OXR1: variants seen among roughly 807,000 people sequenced by gnomAD.
OXR1 encodes the protein oxidation resistance protein 1.
OXR1 carries 41 observed loss-of-function variants against 104.6 expected under a neutral mutation model. That is an observed-to-expected ratio of 0.39 (90% confidence interval 0.31 to 0.51). OXR1 has a LOEUF of 0.51. Ranked by LOEUF, OXR1 falls within the 20% of genes least tolerant of loss-of-function variation. The probability of loss-of-function intolerance (pLI) is 0.77; values close to 1 mark genes in which losing one functional copy is unlikely to be tolerated. For missense variants in OXR1, 955 were observed against 1,031.9 expected (o/e 0.93, Z 1.02); for synonymous variants, 348 against 348.4 (o/e 1.00, Z 0.01).
At chr8:106,479,577 GA>G (rs1486233621) in intron 2 of OXR1, among the ~76,000 whole-genome samples, 2 of 151,914 alleles carry the variant, frequency 1.3e-5, no homozygotes, top group Non-Finnish European at 2.9e-5. Context: ...CAGCCTGCCT[GA>G]CCATCCACAG....
At chr8:106,324,625 C>CT in intron 1 of OXR1, among the ~76,000 whole-genome samples, 1 of 151,718 alleles carries the variant, frequency 6.6e-6, no homozygotes, top group African/African-American at 2.4e-5. Flanking sequence ...GTGAAATTTC[C>CT]TTCTTTTTTT....
chr8:106,273,837 A>G lies in OXR1; in HGVS notation c.-139+3470A>G, dbSNP rs561737639. Among the ~76,000 whole-genome samples the G allele has an allele frequency of 3.2e-4, 49 of 152,366 alleles. No homozygotes were observed. The South Asian group carries it at 9.7e-3, about 30-fold the overall frequency. On this transcript the variant is annotated intron_variant, in intron 1 of 16. Coordinates refer to ENST00000517566, the MANE Select transcript of OXR1 (RefSeq NM_001198533.2). ...ATCTTAAGACATATTGAGAATTTCT[A>G]AAAGGTGAATCATATGCATATGTGC...
intron 2 of OXR1, among the ~76,000 whole-genome samples, chr8:106,477,973 A>T (rs1220077550): frequency 1.3e-5 from 2 of 151,928 alleles, no homozygotes; most frequent in Non-Finnish European, 2.9e-5. Flanking sequence ...TGTATCTGTG[A>T]TTCTCATGTT....
chr8:106,713,435 C>G (rs1831910700), intron 10 of OXR1, among the ~76,000 whole-genome samples: 1 of 151,796 alleles, frequency 6.6e-6, no homozygotes, highest in Non-Finnish European at 1.5e-5. Flanking sequence ...TATAATGTCT[C>G]AAAATAGGCC....
intron 3 of OXR1, among the ~76,000 whole-genome samples, chr8:106,521,600 C>T (rs1327961436): frequency 1.3e-5 from 2 of 152,134 alleles, no homozygotes; most frequent in Non-Finnish European, 2.9e-5. Flanking sequence ...GCAACCTCCA[C>T]CTCCAGGGTT....
chr8:106,554,947 T>C (rs967808012), intron 3 of OXR1, among the ~76,000 whole-genome samples: 1 of 152,142 alleles, frequency 6.6e-6, no homozygotes. Flanking sequence ...CAACAGGATA[T>C]CTATATAGTA....
intron 3 of OXR1, among the ~76,000 whole-genome samples, chr8:106,646,340 C>T (rs1256071515): frequency 6.6e-6 from 1 of 152,076 alleles, no homozygotes; most frequent in African/African-American, 2.4e-5. Context: ...CTCCTGACCT[C>T]AGGGTGATCT....
chr8:106,721,177 A>T (rs544975625), intron 11 of OXR1, among the ~76,000 whole-genome samples: 1 of 151,832 alleles, frequency 6.6e-6, no homozygotes, highest in African/African-American at 2.4e-5. Context: ...TTATGCTAAC[A>T]TTGCTTTTTG....
intron 3 of OXR1, among the ~76,000 whole-genome samples, chr8:106,665,322 A>G (rs1826173884): frequency 6.6e-6 from 1 of 152,190 alleles, no homozygotes. Flanking sequence ...GAAAACCTAT[A>G]CAGATGTGGG....
intron 3 of OXR1, among the ~76,000 whole-genome samples, chr8:106,529,998 C>T (rs1813974345): frequency 6.6e-6 from 1 of 152,108 alleles, no homozygotes; most frequent in African/African-American, 2.4e-5. Context: ...AAAACTTGCC[C>T]TTTTAACCTG....
At position 106,658,179 on chromosome 8, in the gene OXR1, G is replaced by A. The variant is rs1044547231; in HGVS notation, c.221-21031G>A. The A allele has an allele frequency of 4.8e-6, 6 of 1,241,516 alleles. No homozygotes were observed. In the African/African-American group the frequency reaches 6.2e-5, roughly 13 times the overall value. The allele number at this position is 1,241,516 out of a possible 1,614,324, so 76.9% of individuals were successfully genotyped here. ...GCCCCCGGCGCCGTCCAGCCCGGAGGGACCTGGTGAGCCCACCTTTCTTTC... is the reference window on the plus strand; with the variant it reads ...GCCCCCGGCGCCGTCCAGCCCGGAGAGACCTGGTGAGCCCACCTTTCTTTC... On this transcript the variant is annotated intron_variant, in intron 3 of 16. Transcript: ENST00000517566.
intron 3 of OXR1, among the ~76,000 whole-genome samples, chr8:106,625,932 C>A (rs1822112628): frequency 6.6e-6 from 1 of 151,632 alleles, no homozygotes; most frequent in South Asian, 2.1e-4. Flanking sequence ...ATTTTTTTCT[C>A]TATATGCTTA....
chr8:106,561,962 T>C (rs1047020498), intron 3 of OXR1, among the ~76,000 whole-genome samples: 1 of 151,920 alleles, frequency 6.6e-6, no homozygotes, highest in African/African-American at 2.4e-5. Context: ...AAAAACACCA[T>C]CTAAAAGTTA....
At chr8:106,335,903 C>G (rs1406241524) in intron 1 of OXR1, among the ~76,000 whole-genome samples, 1 of 152,044 alleles carries the variant, frequency 6.6e-6, no homozygotes, top group Non-Finnish European at 1.5e-5. Context: ...TGAAACCAGC[C>G]TGGCCAACAT....
chr8:106,374,778 C>G (rs1434358126), intron 2 of OXR1, among the ~76,000 whole-genome samples: 1 of 152,122 alleles, frequency 6.6e-6, no homozygotes, highest in African/African-American at 2.4e-5. Flanking sequence ...CCAGATTCAC[C>G]AGGCCTCCCT....
At chr8:106,524,294 A>G (rs1813488211) in intron 3 of OXR1, among the ~76,000 whole-genome samples, 1 of 152,210 alleles carries the variant, frequency 6.6e-6, no homozygotes, top group Admixed American at 6.5e-5. Context: ...AATATTGTAA[A>G]TTAAGCATGG....
chr8:106,310,381 G>A (rs1813649006), intron 1 of OXR1, among the ~76,000 whole-genome samples: 2 of 152,028 alleles, frequency 1.3e-5, no homozygotes, highest in Admixed American at 1.3e-4. Context: ...TTTCCTGGTT[G>A]TCTGCCCTCC....
At chr8:106,316,125 T>C (rs1224430805) in intron 1 of OXR1, among the ~76,000 whole-genome samples, 5 of 152,182 alleles carry the variant, frequency 3.3e-5, no homozygotes, top group Non-Finnish European at 5.9e-5. Flanking sequence ...TGGCTCAACA[T>C]TGGTAACAGT....
chr8:106,595,083 A>G (rs950210693), intron 3 of OXR1, among the ~76,000 whole-genome samples: 1 of 152,248 alleles, frequency 6.6e-6, no homozygotes, highest in African/African-American at 2.4e-5. Flanking sequence ...CATATAGGCA[A>G]AACCACAGTC....
Sources: allele counts gnomAD v4.1 joint callset (sites outside exome capture counted in the v4.1 genomes callset), GRCh38; gene constraint gnomAD v4.1.1; transcripts MANE v1.5; gene names NCBI Gene and HGNC (gene_info 2026-07-23, HGNC 2026-07-21).